Variants in MYBL2 observed in about 807,000 individuals in gnomAD.
MYBL2 encodes the protein MYB proto-oncogene like 2, also known as myb-related protein B.
Under a neutral mutation model 79.9 loss-of-function variants are expected in MYBL2, and 28 were observed. The observed-to-expected ratio is 0.35, with a 90% CI of 0.26 to 0.48. The LOEUF is 0.48. Among genes scored for constraint, MYBL2 ranks in the 20% least tolerant of loss-of-function variants. The pLI is 0.99. For missense variants in MYBL2, 735 were observed against 893.9 expected, an observed-to-expected ratio of 0.82 and a Z score of 2.27; for synonymous variants, 378 against 361.2, an observed-to-expected ratio of 1.05 and a Z score of -0.53.
At chr20:43,695,484 G>A (rs1987515455) in intron 6 of MYBL2, among the ~76,000 whole-genome samples, 1 of 152,174 alleles carries the variant, frequency 6.6e-6, no homozygotes, top group Middle Eastern at 3.2e-3. Flanking sequence ...CACCCTTGTG[G>A]CCAAATGACT....
chr20:43,673,969 A>T (rs1986934097), intron 2 of MYBL2, 70 bp downstream of exon 2: 2 of 1,328,332 alleles, frequency 1.5e-6, no homozygotes, highest in Admixed American at 4.0e-5. Flanking sequence ...CCTGGAGTGT[A>T]TTTGATGTCT....
rs1031241792 is a variant in MYBL2, at chr20:43,687,670, C to A, written c.500+598C>A. Among the ~76,000 whole-genome samples, 9 of 152,016 alleles carry A rather than the reference C, an allele frequency of 5.9e-5. No individual in the cohort carries two copies. In the South Asian group the frequency reaches 1.2e-3, roughly 21 times the overall value. On this transcript the variant is annotated intron_variant, in intron 5 of 13. Transcript: ENST00000217026. ...GGGAGATTAGCTTTCTTAGGCTTTC[C>A]CACTCCCCATATGTCCCTATTGCTC...
intron 11 of MYBL2, 103 bp from the exon 12 acceptor site, chr20:43,712,899 G>A: frequency 2.3e-6 from 2 of 858,092 alleles, no homozygotes; most frequent in South Asian, 1.6e-5. Flanking sequence ...CTGCACTGCA[G>A]CAGGGCCTGG....
At chr20:43,685,573 C>A (rs982602625) in intron 4 of MYBL2, among the ~76,000 whole-genome samples, 6 of 152,112 alleles carry the variant, frequency 3.9e-5, no homozygotes, top group Non-Finnish European at 8.8e-5. Context: ...GCCTGGCCAA[C>A]ATGGTGAAAC....
chr20:43,687,948 G>A (rs1383530238), intron 5 of MYBL2, among the ~76,000 whole-genome samples: 1 of 147,364 alleles, frequency 6.8e-6, no homozygotes, highest in African/African-American at 2.5e-5. Context: ...GGAGGCAGAG[G>A]TTGCAGTGAG....
intron 1 of MYBL2, 56 bp downstream of exon 1, chr20:43,667,359 C>A: frequency 8.6e-7 from 1 of 1,169,414 alleles, no homozygotes; most frequent in South Asian, 4.3e-5. Flanking sequence ...TCACCCCTCC[C>A]CCACCCAGAT....
At position 43,716,242 on chromosome 20, in the gene MYBL2, GTGCT is replaced by G; in HGVS notation, c.*156_*159del. ...TCTCAGGTGGAGGCAACAGGGCCAT[GTGCT>G]GCCCTGTTGCCGAGCCCAGCTGTGG... On this transcript the variant is annotated 3_prime_UTR_variant, in exon 14 of 14. Transcript: ENST00000217026. 4 of 1,136,320 alleles carry G rather than the reference GTGCT, an allele frequency of 3.5e-6. No homozygotes were observed. Among genetic ancestry groups the G allele is most frequent in the Non-Finnish European group, 4.8e-6 (4 of 826,914 alleles). 70.4% of individuals were successfully genotyped at this position (1,136,320 alleles called of 1,614,324 possible).
intron 1 of MYBL2, among the ~76,000 whole-genome samples, chr20:43,668,065 A>T (rs1346340886): frequency 6.6e-6 from 1 of 151,966 alleles, no homozygotes; most frequent in East Asian, 1.9e-4. Context: ...GTGGCTCCAG[A>T]TCCCTGTCTT....
intron 4 of MYBL2, among the ~76,000 whole-genome samples, chr20:43,685,297 C>T (rs2145716753): frequency 6.6e-6 from 1 of 151,948 alleles, no homozygotes; most frequent in East Asian, 2.0e-4. Context: ...TTTCCTGCCT[C>T]AGCCTCCGGA....
chr20:43,667,351 ACCCCTC>A, intron 1 of MYBL2, 48 bp downstream of exon 1: 1 of 1,146,498 alleles, frequency 8.7e-7, no homozygotes, highest in Non-Finnish European at 1.1e-6. Context: ...CCTTTAACTC[ACCCCTC>A]CCCCACCCAG....
At chr20:43,707,038 G>A (rs906685538) in intron 9 of MYBL2, among the ~76,000 whole-genome samples, 3 of 151,714 alleles carry the variant, frequency 2.0e-5, no homozygotes, top group African/African-American at 7.3e-5. Flanking sequence ...TAATTAGCTG[G>A]GCGTGGCCGT....
intron 10 of MYBL2, among the ~76,000 whole-genome samples, chr20:43,711,254 G>A (rs73276088): frequency 0.031 from 4,721 of 152,280 alleles, 251 homozygotes; most frequent in African/African-American, 0.098. Context: ...GTTACAGTGC[G>A]TCTCTGGGCT....
intron 2 of MYBL2, among the ~76,000 whole-genome samples, chr20:43,680,124 G>A (rs1987109651): frequency 6.6e-6 from 1 of 152,064 alleles, no homozygotes. Context: ...TCTACTTCCC[G>A]GGTTCAAGTG....
At chr20:43,709,624 T>A (rs1006876412) in intron 9 of MYBL2, among the ~76,000 whole-genome samples, 5 of 152,142 alleles carry the variant, frequency 3.3e-5, no homozygotes, top group African/African-American at 1.2e-4. Context: ...CAGGATGGGA[T>A]CTTCCTGGGT....
chr20:43,713,255 C>A, intron 12 of MYBL2, 149 bp downstream of exon 12: 1 of 623,472 alleles, frequency 1.6e-6, no homozygotes, highest in Non-Finnish European at 2.9e-6. Context: ...CCACTCATGG[C>A]TTCAGTCAGC....
chr20:43,699,679 G>C (rs995348001), intron 6 of MYBL2, 78 bp from the exon 7 acceptor site: 9 of 1,457,606 alleles, frequency 6.2e-6, no homozygotes, highest in Non-Finnish European at 6.5e-6. Flanking sequence ...TTAGATTCAG[G>C]TTGTGTGGTT....
chr20:43,713,173 G>A, intron 12 of MYBL2, 67 bp downstream of exon 12: 1 of 1,249,712 alleles, frequency 8.0e-7, no homozygotes, highest in Admixed American at 2.1e-5. Flanking sequence ...TTAGTGTAGT[G>A]ACTCTCCAAC....
intron 1 of MYBL2, among the ~76,000 whole-genome samples, chr20:43,670,014 G>T (rs1986820901): frequency 6.6e-6 from 1 of 152,212 alleles, no homozygotes; most frequent in Non-Finnish European, 1.5e-5. Context: ...TGAGGCAGGA[G>T]AATTCACTTG....
Position 43,689,592 on chromosome 20 carries a change from T to A in MYBL2, c.500+2520T>A, listed in dbSNP as rs140243168. ...CTCATCCTTCAGTTCTCAGTGGGGGTGCTATTTCTTCAGAGAAGTTTTCTC... is the reference window on the plus strand; with the variant it reads ...CTCATCCTTCAGTTCTCAGTGGGGGAGCTATTTCTTCAGAGAAGTTTTCTC... On this transcript the variant is annotated intron_variant, in intron 5 of 13. Transcript: ENST00000217026. Among the ~76,000 whole-genome samples the A allele has an allele frequency of 8.2e-3, 1,247 of 152,162 alleles. 12 individuals carry two copies. The highest frequency in any genetic ancestry group is 0.011 in the Non-Finnish European group (723 of 68,004).
Sources: allele counts gnomAD v4.1 joint callset (sites outside exome capture counted in the v4.1 genomes callset), GRCh38; gene constraint gnomAD v4.1.1; transcripts MANE v1.5; gene names NCBI Gene and HGNC (gene_info 2026-07-23, HGNC 2026-07-21).